The following SOX6 variants were observed in gnomAD, a reference collection of about 807,000 sequenced individuals.
The protein encoded by SOX6 is transcription factor SOX-6.
In SOX6, 11 loss-of-function variants were observed where a neutral mutation model predicts 97.8. That is an observed-to-expected ratio of 0.11 (90% confidence interval 0.07 to 0.19). The LOEUF is 0.19. Among genes scored for constraint, SOX6 ranks in the 10% least tolerant of loss-of-function variants. The pLI is 1.00. For missense variants in SOX6, 810 were observed against 1,039.5 expected, an observed-to-expected ratio of 0.78 and a Z score of 3.04; for synonymous variants, 360 against 371.4, an observed-to-expected ratio of 0.97 and a Z score of 0.35.
Position 16,259,434 on chromosome 11 carries a change from T to A in SOX6, c.446-24763A>T, listed in dbSNP as rs149123733. ...ATTTTCTTTTAAATTGACAAGTATA[T>A]CTAAAATGTATATGTAAACACAAAG... On this transcript the variant is annotated intron_variant, in intron 3 of 15. Coordinates refer to ENST00000683767, the MANE Select transcript of SOX6 (RefSeq NM_001367873.1). 8.3e-4 allele frequency among the ~76,000 whole-genome samples: 127 copies of A among 152,128 alleles called. 2 individuals are homozygous for A. The East Asian group carries it at 0.023, about 28-fold the overall frequency.
intron 6 of SOX6, among the ~76,000 whole-genome samples, chr11:16,112,299 T>C (rs1374921680): frequency 6.6e-6 from 1 of 152,224 alleles, no homozygotes; most frequent in Non-Finnish European, 1.5e-5. Context: ...CTGCTTTGCA[T>C]TCTGTGCTTT....
At chr11:16,632,242 T>G (rs1565198719) in intron 3 of SOX6, among the ~76,000 whole-genome samples, 1 of 152,166 alleles carries the variant, frequency 6.6e-6, no homozygotes, top group African/African-American at 2.4e-5. Context: ...GTGGGTAGGA[T>G]TTTTTCTTTT....
intron 11 of SOX6, 53 bp from the exon 12 acceptor site, chr11:16,046,754 G>T: frequency 6.5e-7 from 1 of 1,544,198 alleles, no homozygotes; most frequent in East Asian, 2.3e-5. Flanking sequence ...CTCCTAAAAA[G>T]TACTACTACT....
At chr11:16,210,781 C>T (rs991811576) in intron 4 of SOX6, among the ~76,000 whole-genome samples, 3 of 152,182 alleles carry the variant, frequency 2.0e-5, no homozygotes, top group East Asian at 1.9e-4. Flanking sequence ...GGCAGTGAAC[C>T]GACACATACT....
chr11:16,560,648 C>A (rs113520473), intron 4 of SOX6, among the ~76,000 whole-genome samples: 1 of 142,898 alleles, frequency 7.0e-6, no homozygotes, highest in African/African-American at 3.0e-5. Flanking sequence ...TATGTTTATA[C>A]GAAAATGTAT....
chr11:16,067,274 C>T (rs1480719956), intron 9 of SOX6, among the ~76,000 whole-genome samples: 2 of 151,998 alleles, frequency 1.3e-5, no homozygotes, highest in African/African-American at 4.8e-5. Flanking sequence ...TTTGTTGTGT[C>T]CCCACCCAAA....
chr11:16,111,663 T>G, intron 7 of SOX6, 140 bp downstream of exon 7: 5 of 1,179,522 alleles, frequency 4.2e-6, no homozygotes, highest in Non-Finnish European at 6.1e-6. Flanking sequence ...TCTTCCCAAT[T>G]CTAATTTTAC....
At chr11:16,532,140 C>T (rs547645087) in intron 4 of SOX6, among the ~76,000 whole-genome samples, 2 of 151,920 alleles carry the variant, frequency 1.3e-5, no homozygotes, top group Admixed American at 6.6e-5. Flanking sequence ...CATTTTTCTA[C>T]CTGAAAAAGT....
Position 16,428,919 on chromosome 11 carries a change from C to A in SOX6, c.-5+47396G>T, listed in dbSNP as rs538604093. ...TGAATCTATAAATTACCTTGGGCGG[C>A]ATGGCCATTTTCACGATATTAATTC... On this transcript the variant is annotated intron_variant, in intron 1 of 15. Transcript: ENST00000396356. Among the ~76,000 whole-genome samples, 4 of 152,218 alleles carry A rather than the reference C, an allele frequency of 2.6e-5. No individual in the cohort carries two copies. In the South Asian group the frequency reaches 8.3e-4, roughly 32 times the overall value.
intron 7 of SOX6, among the ~76,000 whole-genome samples, chr11:16,105,442 C>T (rs1394765917): frequency 6.6e-6 from 1 of 152,048 alleles, no homozygotes; most frequent in Non-Finnish European, 1.5e-5. Context: ...GTGGCACGTG[C>T]CTATAGTCCC....
Position 16,015,317 on chromosome 11 carries a change from C to T in SOX6, c.1624-267G>A, listed in dbSNP as rs16932447. 386 of 484,936 alleles carry T rather than the reference C, an allele frequency of 8.0e-4. 2 individuals are homozygous for T. The highest frequency in any genetic ancestry group is 6.8e-3 in the African/African-American group (351 of 51,398). The allele number at this position is 484,936 out of a possible 1,614,324, so 30.0% of individuals were successfully genotyped here. A position where few individuals can be genotyped will look rare whatever the true frequency, so the allele number is the denominator to read the frequency against. ...GCTTCTATGCATATCTTCTCTCTGT[C>T]GGATTTGCTCCAGTAATCTAAAAAC... On this transcript the variant is annotated intron_variant, in intron 12 of 15. Coordinates refer to ENST00000683767, the MANE Select transcript of SOX6 (RefSeq NM_001367873.1).
intron 1 of SOX6, among the ~76,000 whole-genome samples, chr11:16,369,332 C>T (rs1857443471): frequency 6.6e-6 from 1 of 152,226 alleles, no homozygotes; most frequent in African/African-American, 2.4e-5. Context: ...TTTCTTTCCA[C>T]CAGTCTCCCT....
chr11:16,118,761 T>C (rs1281867380), intron 6 of SOX6, among the ~76,000 whole-genome samples: 2 of 152,174 alleles, frequency 1.3e-5, no homozygotes, highest in Non-Finnish European at 2.9e-5. Flanking sequence ...TTATTTAACT[T>C]TTTTTAGTAA....
intron 4 of SOX6, among the ~76,000 whole-genome samples, chr11:16,188,111 C>T (rs769321677): frequency 2.0e-5 from 3 of 151,268 alleles, no homozygotes; most frequent in Non-Finnish European, 4.4e-5. Flanking sequence ...GAAAGAGAAA[C>T]TTCAGAGGAT....
At chr11:16,730,756 T>G (rs1848343470) in intron 2 of SOX6, among the ~76,000 whole-genome samples, 1 of 151,388 alleles carries the variant, frequency 6.6e-6, no homozygotes, top group Admixed American at 6.6e-5. Context: ...AGAGAAGAAC[T>G]GAAGGAGACA....
At chr11:16,530,017 T>A (rs761231111) in intron 4 of SOX6, among the ~76,000 whole-genome samples, 1 of 151,924 alleles carries the variant, frequency 6.6e-6, no homozygotes, top group African/African-American at 2.4e-5. Flanking sequence ...CAGCATAAAA[T>A]CTCATTTATC....
chr11:16,252,556 G>A (rs1853546714), intron 3 of SOX6: 1 of 152,260 alleles, frequency 6.6e-6, no homozygotes, highest in Non-Finnish European at 1.5e-5. Flanking sequence ...AGCTCTACCA[G>A]GTCCTCACAG....
chr11:16,217,404 T>C (rs1852405432), intron 4 of SOX6, among the ~76,000 whole-genome samples: 1 of 152,182 alleles, frequency 6.6e-6, no homozygotes, highest in South Asian at 2.1e-4. Flanking sequence ...TAGAAATTGC[T>C]GTCGATGAAT....
chr11:16,189,788 T>C (rs1462467414), intron 4 of SOX6, among the ~76,000 whole-genome samples: 1 of 152,112 alleles, frequency 6.6e-6, no homozygotes, highest in Non-Finnish European at 1.5e-5. Context: ...ATAATACCTG[T>C]CTATATGATA....
Sources: gnomAD v4.1 joint callset for allele counts (sites outside exome capture counted in the v4.1 genomes callset) on GRCh38, gnomAD v4.1.1 for gene constraint, MANE v1.5 for transcripts, NCBI Gene and HGNC (gene_info 2026-07-23, HGNC 2026-07-21) for gene names.